The following DLGAP4 variants were observed in gnomAD, a reference collection of about 807,000 sequenced individuals.
The protein encoded by DLGAP4 is disks large-associated protein 4.
In DLGAP4, 18 loss-of-function variants were observed where a neutral mutation model predicts 86.9. That is an observed-to-expected ratio of 0.21 (90% CI 0.14 to 0.31). DLGAP4 has a LOEUF of 0.31. Ranked by LOEUF, DLGAP4 falls within the 10% of genes least tolerant of loss-of-function variation. DLGAP4 has a pLI of 1.00. For synonymous variants in DLGAP4, 548 were observed against 574.3 expected, an observed-to-expected ratio of 0.95 and a Z score of 0.65; for missense variants, 1,085 against 1,362.6, an observed-to-expected ratio of 0.80 and a Z score of 3.21.
chr20:36,500,443 C>G lies in DLGAP4; in HGVS notation c.2344C>G (p.Pro782Ala). The change falls in exon 10 of 13, where the codon CCC (proline) becomes GCC (alanine). Residue 782 changes from proline to alanine, a missense_variant. Physicochemically the swap from Pro to Ala is conservative, Grantham distance 27 (BLOSUM62 -1). Coordinates refer to ENST00000339266, the MANE Select transcript of DLGAP4 (RefSeq NM_001365621.2). This position sits in a 1 kb window ranked among gnomAD's most constrained non-coding sequence, Gnocchi z 4.6. ...LEASSLPPPD[P>A]WLETSSSSPA... ...GGCGTCCTCGCTGCCCCCACCCGAC[C>G]CCTGGCTCGAGACCTCCTCCAGCTC... The G allele has an allele frequency of 1.9e-6, 3 of 1,578,822 alleles. No individual in the cohort carries two copies. The highest frequency in any genetic ancestry group is 2.6e-6 in the Non-Finnish European group (3 of 1,160,356).
At chr20:36,456,273 G>A (rs998931959) in intron 7 of DLGAP4, among the ~76,000 whole-genome samples, 4 of 152,210 alleles carry the variant, frequency 2.6e-5, no homozygotes, top group African/African-American at 9.7e-5. Flanking sequence ...TTTCCTACCT[G>A]GGTGTGCCTG....
intron 1 of DLGAP4, among the ~76,000 whole-genome samples, chr20:36,317,225 TTCTTTC>T (rs1307625183): frequency 9.7e-5 from 2 of 20,612 alleles, no homozygotes; most frequent in Non-Finnish European, 1.8e-4. Flanking sequence ...CTCTCCTTTT[TTCTTTC>T]TTTCTTTCTT....
chr20:36,521,429 A>G (rs918977205), intron 10 of DLGAP4, among the ~76,000 whole-genome samples: 1 of 152,212 alleles, frequency 6.6e-6, no homozygotes. Flanking sequence ...GCAGTCTTAT[A>G]TAATAATTAA....
chr20:36,344,738 C>A (rs1427991554), intron 1 of DLGAP4, among the ~76,000 whole-genome samples: 3 of 152,338 alleles, frequency 2.0e-5, no homozygotes, highest in African/African-American at 7.2e-5. Flanking sequence ...ACCTGGGCCT[C>A]GGCTGGGCCT....
intron 4 of DLGAP4, 129 bp downstream of exon 4, chr20:36,436,479 C>A: frequency 7.2e-7 from 1 of 1,384,560 alleles, no homozygotes; most frequent in Middle Eastern, 2.6e-4. Flanking sequence ...CCCCTTTGAG[C>A]CACGCCCACT....
intron 12 of DLGAP4, among the ~76,000 whole-genome samples, chr20:36,526,343 G>T (rs946632137): frequency 6.6e-6 from 1 of 152,152 alleles, no homozygotes; most frequent in East Asian, 1.9e-4. Context: ...GAGTCCTGGG[G>T]TCTGGAGCCA....
At chr20:36,464,535 A>G (rs1255885699) in intron 7 of DLGAP4, among the ~76,000 whole-genome samples, 10 of 151,702 alleles carry the variant, frequency 6.6e-5, no homozygotes, top group Non-Finnish European at 1.5e-4. Context: ...ATGCCACTGC[A>G]CTCCAGCCTG....
At chr20:36,517,365 A>T (rs1600704166) in intron 10 of DLGAP4, among the ~76,000 whole-genome samples, 1 of 152,188 alleles carries the variant, frequency 6.6e-6, no homozygotes, top group East Asian at 2.0e-4. Context: ...ACAACAGAGC[A>T]AAGCGATTCT....
chr20:36,482,681 TG>T (rs1280978072), intron 7 of DLGAP4, among the ~76,000 whole-genome samples: 4 of 152,168 alleles, frequency 2.6e-5, no homozygotes, highest in Admixed American at 2.6e-4. Flanking sequence ...TTTTTGTTTT[TG>T]TTTTTTTGAG....
In DLGAP4 at chr20:36,432,279, G is replaced by A. The variant is rs2033149925; in HGVS notation, c.562G>A (p.Ala188Thr). The change falls in exon 3 of 13, where the codon GCC (alanine) becomes ACC (threonine). Residue 188 changes from alanine to threonine, a missense_variant. By Grantham distance (58) the Ala-to-Thr change is moderately conservative. Around this residue, in one of 2 missense-constraint regions of DLGAP4, gnomAD observed 1,082 missense variants for 1,344.1 expected, o/e 0.81. Coordinates refer to ENST00000339266, the MANE Select transcript of DLGAP4 (RefSeq NM_001365621.2). The surrounding 1 kb of genome is among the most constrained non-coding windows in gnomAD (Gnocchi z 6.5). ...CCGGAGGGCCAAAAGCAAGGAGCGG[G>A]CCAAGGCTGGGGAGCCCAAACGGCG... ...KGRRAKSKERAKAGEPKRRSR... is the reference protein window; with the variant it reads ...KGRRAKSKERTKAGEPKRRSR... The A allele has an allele frequency of 3.1e-6, 5 of 1,613,646 alleles. No homozygotes were observed. The African/African-American group carries it at 5.3e-5, about 17-fold the overall frequency.
chr20:36,343,503 G>A (rs1331696285), intron 1 of DLGAP4, among the ~76,000 whole-genome samples: 1 of 152,126 alleles, frequency 6.6e-6, no homozygotes, highest in African/African-American at 2.4e-5. Flanking sequence ...AGCTGGGATG[G>A]GAAGCTGGGT....
intron 2 of DLGAP4, among the ~76,000 whole-genome samples, chr20:36,379,199 C>T (rs1276677930): frequency 2.0e-5 from 3 of 152,058 alleles, no homozygotes; most frequent in Admixed American, 2.0e-4. Context: ...GGTAAAGTGG[C>T]GGGAGGCAGA....
intron 1 of DLGAP4, among the ~76,000 whole-genome samples, chr20:36,315,909 C>T (rs1432532095): frequency 3.3e-5 from 5 of 152,148 alleles, no homozygotes; most frequent in African/African-American, 7.2e-5. Context: ...TGACACTGGC[C>T]GGGCAGAGAC....
At chr20:36,448,800 G>T (rs190098504) in intron 7 of DLGAP4, among the ~76,000 whole-genome samples, 1 of 152,226 alleles carries the variant, frequency 6.6e-6, no homozygotes, top group Admixed American at 6.5e-5. Flanking sequence ...CGGGTGTGGT[G>T]GTGCACACCT....
At chr20:36,349,678 TGACGTGCCCAGCATTCATCCTGGTTGTTC>T in intron 1 of DLGAP4, among the ~76,000 whole-genome samples, 1 of 152,258 alleles carries the variant, frequency 6.6e-6, no homozygotes, top group Non-Finnish European at 1.5e-5. Flanking sequence ...GCGATGGATA[TGACGTGCCCAGCATTCATCCTGGTTGTTC>T]AACAGATAAG....
chr20:36,489,561 ACCATTGAATGGTTTCAGGTTGTGGTG>A (rs1235102639), intron 7 of DLGAP4, among the ~76,000 whole-genome samples: 2 of 152,222 alleles, frequency 1.3e-5, no homozygotes, highest in Admixed American at 6.5e-5. Flanking sequence ...AAGTCTACAA[ACCATTGAATGGTTTCAGGTTGTGGTG>A]CCACTGAATA....
At chr20:36,481,465 G>A (rs2035184474) in intron 7 of DLGAP4, among the ~76,000 whole-genome samples, 1 of 152,140 alleles carries the variant, frequency 6.6e-6, no homozygotes, top group Admixed American at 6.5e-5. Flanking sequence ...TGGTGCATAT[G>A]TGTCACACGC....
At chr20:36,397,920 G>C (rs543864356) in intron 2 of DLGAP4, among the ~76,000 whole-genome samples, 1 of 152,206 alleles carries the variant, frequency 6.6e-6, no homozygotes, top group South Asian at 2.1e-4. Flanking sequence ...TCAGGAGTTC[G>C]AGACTAGCCT....
At chr20:36,331,307 G>C (rs1569458564) in intron 1 of DLGAP4, among the ~76,000 whole-genome samples, 1 of 152,086 alleles carries the variant, frequency 6.6e-6, no homozygotes, top group Admixed American at 6.5e-5. Flanking sequence ...GGCCAACTTG[G>C]GGTCAGGTGC....
Sources: allele counts gnomAD v4.1 joint callset (sites outside exome capture counted in the v4.1 genomes callset), GRCh38; gene constraint gnomAD v4.1.1; regional missense constraint gnomAD v4.1.1; non-coding constraint Gnocchi (gnomAD v3.1); transcripts MANE v1.5; gene names NCBI Gene and HGNC (gene_info 2026-07-23, HGNC 2026-07-21).